Variants in ABCD3 observed in about 807,000 individuals in gnomAD.
The protein encoded by ABCD3 is ATP binding cassette subfamily D member 3.
A neutral mutation model predicts 105.5 loss-of-function variants in ABCD3; 41 were observed. That is an observed-to-expected ratio of 0.39 (90% confidence interval 0.30 to 0.50). The LOEUF is 0.50. ABCD3 is among the 20% of genes least tolerant of loss of function. ABCD3 has a pLI of 0.84. For missense variants in ABCD3, 622 were observed against 806.3 expected (o/e 0.77, Z 2.77); for synonymous variants, 258 against 269.0 (o/e 0.96, Z 0.40).
At chr1:94,434,484 G>A (rs1659820723) in intron 1 of ABCD3, among the ~76,000 whole-genome samples, 1 of 152,160 alleles carries the variant, frequency 6.6e-6, no homozygotes, top group Admixed American at 6.5e-5. Flanking sequence ...GACTGGCAGT[G>A]CAGCAGTAGT....
intron 21 of ABCD3, among the ~76,000 whole-genome samples, chr1:94,508,168 A>G (rs1184853304): frequency 2.0e-5 from 3 of 152,156 alleles, no homozygotes; most frequent in Non-Finnish European, 2.9e-5. Flanking sequence ...TGATTTTTGT[A>G]TAAGATGTAA....
intron 1 of ABCD3, among the ~76,000 whole-genome samples, chr1:94,428,050 TAGG>T (rs1477219207): frequency 6.6e-6 from 1 of 151,908 alleles, no homozygotes; most frequent in African/African-American, 2.4e-5. Flanking sequence ...TTAGGTAAAA[TAGG>T]AGTATGCTAA....
chr1:94,402,202 G>A, the ABCD3 span, among the ~76,000 whole-genome samples: 2 of 152,192 alleles, frequency 1.3e-5, no homozygotes, highest in Admixed American at 1.3e-4. Context: ...TTTGCTGATG[G>A]ACACTGAGTG....
intron 1 of ABCD3, among the ~76,000 whole-genome samples, chr1:94,455,440 C>T (rs933039258): frequency 2.0e-5 from 3 of 152,046 alleles, no homozygotes; most frequent in Admixed American, 1.3e-4. Flanking sequence ...ATTCTTCTGC[C>T]TCAGCCTCCT....
the ABCD3 span, among the ~76,000 whole-genome samples, chr1:94,389,752 TC>T: frequency 6.6e-6 from 1 of 152,194 alleles, no homozygotes; most frequent in African/African-American, 2.4e-5. Context: ...ACTGAGCTGG[TC>T]TTGGCAATGC....
chr1:94,407,711 A>G, the ABCD3 span, among the ~76,000 whole-genome samples: 9 of 152,294 alleles, frequency 5.9e-5, no homozygotes, highest in South Asian at 1.9e-3. Flanking sequence ...TTTATAATCA[A>G]TTCATTCCTG....
chr1:94,469,774 T>A (rs1020227871), intron 4 of ABCD3, among the ~76,000 whole-genome samples: 1 of 149,632 alleles, frequency 6.7e-6, no homozygotes, highest in African/African-American at 2.5e-5. Flanking sequence ...CACGCCATTC[T>A]CCTGCCTCAG....
At chr1:94,493,289 A>T (rs896232804) in intron 16 of ABCD3, among the ~76,000 whole-genome samples, 2 of 152,016 alleles carry the variant, frequency 1.3e-5, no homozygotes, top group Admixed American at 1.3e-4. Context: ...GAAGGACATG[A>T]ACAGACACTT....
chr1:94,433,652 CAT>C (rs1344041114), intron 1 of ABCD3, among the ~76,000 whole-genome samples: 1 of 112,068 alleles, frequency 8.9e-6, no homozygotes, highest in African/African-American at 3.2e-5. Flanking sequence ...TTTGTCTAAA[CAT>C]GTCTTTTTTT....
At chr1:94,496,319 A>G (rs1225672596) in intron 16 of ABCD3, among the ~76,000 whole-genome samples, 1 of 152,164 alleles carries the variant, frequency 6.6e-6, no homozygotes. Flanking sequence ...TAGGAATCAC[A>G]TATAAGTGAA....
At chr1:94,499,138 G>A in intron 19 of ABCD3, 104 bp downstream of exon 19, 1 of 1,045,262 alleles carries the variant, frequency 9.6e-7, no homozygotes, top group Non-Finnish European at 1.5e-6. Flanking sequence ...AAGCTGTAAA[G>A]CCTTCCAAAG....
the ABCD3 span, chr1:94,406,468 C>A: frequency 2.3e-6 from 1 of 426,480 alleles, no homozygotes; most frequent in Non-Finnish European, 4.7e-6. Flanking sequence ...AAGTGTGCTT[C>A]TCTGGGTGGA....
intron 20 of ABCD3, among the ~76,000 whole-genome samples, chr1:94,503,768 A>G (rs1001504203): frequency 6.7e-6 from 1 of 150,250 alleles, no homozygotes; most frequent in African/African-American, 2.4e-5. Context: ...TGTCAAGTAC[A>G]TGGTAGTGAT....
the ABCD3 span, among the ~76,000 whole-genome samples, chr1:94,404,871 G>C: frequency 6.6e-6 from 1 of 150,506 alleles, no homozygotes; most frequent in Non-Finnish European, 1.5e-5. Flanking sequence ...ATTTTGAGGC[G>C]GAGGTTGCAA....
intron 1 of ABCD3, among the ~76,000 whole-genome samples, chr1:94,450,697 T>G (rs540070268): frequency 2.7e-4 from 41 of 152,326 alleles, no homozygotes; most frequent in African/African-American, 8.2e-4. Flanking sequence ...ACCCCTGATT[T>G]CCCACTCCAC....
chr1:94,419,438 C>G, intron 1 of ABCD3: 1 of 809,006 alleles, frequency 1.2e-6, no homozygotes, highest in Non-Finnish European at 1.5e-6. Context: ...AAAGAGAGAG[C>G]TGAATTACGG....
chr1:94,462,196 T>C (rs937466897), intron 2 of ABCD3, among the ~76,000 whole-genome samples: 1 of 152,190 alleles, frequency 6.6e-6, no homozygotes, highest in Non-Finnish European at 1.5e-5. Flanking sequence ...GTCTTTTTTT[T>C]ATATTTAAAA....
At chr1:94,494,708 C>T (rs182189545) in intron 16 of ABCD3, among the ~76,000 whole-genome samples, 7 of 152,176 alleles carry the variant, frequency 4.6e-5, no homozygotes, top group African/African-American at 1.7e-4. Context: ...GATTTTATAC[C>T]ATTTTCCATT....
rs774263843 is a variant in ABCD3, at chr1:94,467,952, G to A, written c.280G>A (p.Val94Met). 23 of 1,613,448 alleles carry A rather than the reference G, an allele frequency of 1.4e-5. No homozygotes were observed. The East Asian group carries it at 4.7e-4, about 33-fold the overall frequency. The change falls in exon 4 of 23, where the codon GTG becomes ATG. Residue 94 changes from valine (V) to methionine (M), a missense_variant. Transcript: ENST00000370214. Reference protein sequence around the residue: ...GYLVLIAVMLVSRTYCDVWMI... With the variant: ...GYLVLIAVMLMSRTYCDVWMI... ...CTTGGTACTTATTGCTGTTATGCTG[G>A]TGTCTCGAACATATTGTGATGTTTG...
Sources: gnomAD v4.1 joint callset for allele counts (sites outside exome capture counted in the v4.1 genomes callset) on GRCh38, gnomAD v4.1.1 for gene constraint, MANE v1.5 for transcripts, NCBI Gene and HGNC (gene_info 2026-07-23, HGNC 2026-07-21) for gene names.